LRRFIP2: variants seen among roughly 807,000 people sequenced by gnomAD.
The protein encoded by LRRFIP2 is leucine-rich repeat flightless-interacting protein 2.
In LRRFIP2, 109 loss-of-function variants were observed where a neutral mutation model predicts 125.9. That is an observed-to-expected ratio of 0.87 (90% CI 0.74 to 1.01). The LOEUF is 1.01. LRRFIP2 is among the 50% of genes least tolerant of loss of function. The probability of loss-of-function intolerance (pLI) is 0.00; values close to 1 mark genes in which losing one functional copy is unlikely to be tolerated. For synonymous variants in LRRFIP2, 291 were observed against 293.1 expected, an observed-to-expected ratio of 0.99 and a Z score of 0.07; for missense variants, 850 against 862.3, an observed-to-expected ratio of 0.99 and a Z score of 0.18.
Position 37,103,014 on chromosome 3 carries a change from C to CT in LRRFIP2, c.784-2dup, listed in dbSNP as rs2149336717. 1.3e-6 allele frequency: 2 copies of CT among 1,552,460 alleles called. No homozygotes were observed. The highest frequency in any genetic ancestry group is 1.7e-6 in the Non-Finnish European group (2 of 1,146,938). ...GACTGAAATAATCAGCGGCAGATACCTTTCGGTCAGAAAAAAAACAAGATG... is the reference window on the plus strand; with the variant it reads ...GACTGAAATAATCAGCGGCAGATACCTTTTCGGTCAGAAAAAAAACAAGATG... On this transcript the variant is annotated splice_acceptor_variant, in intron 14 of 27. Transcript: ENST00000336686. LOFTEE classifies it high-confidence loss of function.
chr3:37,156,223 T>C (rs2150143595), intron 1 of LRRFIP2, among the ~76,000 whole-genome samples: 1 of 152,248 alleles, frequency 6.6e-6, no homozygotes, highest in South Asian at 2.1e-4. Context: ...CTCACACCTG[T>C]AATCCCAGCA....
At chr3:37,084,379 T>C (rs2092883027) in intron 18 of LRRFIP2, among the ~76,000 whole-genome samples, 1 of 152,058 alleles carries the variant, frequency 6.6e-6, no homozygotes, top group Non-Finnish European at 1.5e-5. Context: ...AAAAAAGAGC[T>C]TGGCCAGGCA....
At chr3:37,081,257 T>C (rs534276491) in intron 19 of LRRFIP2, among the ~76,000 whole-genome samples, 1 of 152,030 alleles carries the variant, frequency 6.6e-6, no homozygotes, top group Non-Finnish European at 1.5e-5. Flanking sequence ...ACAATAAAAT[T>C]AAATTAAATT....
In LRRFIP2 at chr3:37,053,870, G is replaced by A; in HGVS notation, c.2147C>T (p.Ala716Val). 6.2e-7 allele frequency: 1 copy of A among 1,613,582 alleles called. No homozygotes were observed. The highest frequency in any genetic ancestry group is 8.5e-7 in the Non-Finnish European group (1 of 1,179,490). The change falls in exon 28 of 28, where the codon GCA becomes GTA. Residue 716 changes from alanine (A) to valine (V), a missense_variant. Coordinates refer to ENST00000336686, the MANE Select transcript of LRRFIP2 (RefSeq NM_006309.4). Reference protein sequence around the residue: ...RLEKMKANRTALLAQQ With the variant: ...RLEKMKANRTVLLAQQ ...GTTTTCCTACTGCTGGGCCAGAAGTGCTGTCCTATTGGCCTTCATCTTCTC... is the reference window on the plus strand; with the variant it reads ...GTTTTCCTACTGCTGGGCCAGAAGTACTGTCCTATTGGCCTTCATCTTCTC...
intron 15 of LRRFIP2, among the ~76,000 whole-genome samples, chr3:37,098,987 G>A (rs375316841): frequency 1.3e-5 from 2 of 152,046 alleles, no homozygotes; most frequent in East Asian, 1.9e-4. Context: ...GTTTTTAATA[G>A]ACTGTCCATG....
At chr3:37,082,630 C>A (rs1341920237) in intron 19 of LRRFIP2, among the ~76,000 whole-genome samples, 1 of 152,014 alleles carries the variant, frequency 6.6e-6, no homozygotes, top group African/African-American at 2.4e-5. Context: ...AACATGTATC[C>A]ACCATTATAA....
At chr3:37,155,551 C>T (rs2096162984) in intron 1 of LRRFIP2, among the ~76,000 whole-genome samples, 1 of 152,098 alleles carries the variant, frequency 6.6e-6, no homozygotes, top group South Asian at 2.1e-4. Context: ...CTAAAACTGC[C>T]AAGTTTTGGG....
At chr3:37,154,967 C>T (rs986803784) in intron 1 of LRRFIP2, among the ~76,000 whole-genome samples, 1 of 152,290 alleles carries the variant, frequency 6.6e-6, no homozygotes, top group African/African-American at 2.4e-5. Flanking sequence ...TTACAGTGAA[C>T]GCTAGTCTGC....
intron 6 of LRRFIP2, among the ~76,000 whole-genome samples, chr3:37,116,806 T>G (rs1029121587): frequency 6.6e-6 from 1 of 152,084 alleles, no homozygotes; most frequent in Non-Finnish European, 1.5e-5. Flanking sequence ...TCCATAAGTA[T>G]CAGACTAAGT....
chr3:37,057,621 C>G (rs950595212), intron 25 of LRRFIP2, among the ~76,000 whole-genome samples: 21 of 151,968 alleles, frequency 1.4e-4, no homozygotes, highest in African/African-American at 5.1e-4. Context: ...ACCACCTCAG[C>G]CTCTCCAAAT....
At chr3:37,140,332 C>G (rs915054783) in intron 2 of LRRFIP2, 1 of 152,130 alleles carries the variant, frequency 6.6e-6, no homozygotes, top group African/African-American at 2.4e-5. Context: ...AAGCTGTGCT[C>G]GCTATGGCAG....
intron 1 of LRRFIP2, among the ~76,000 whole-genome samples, chr3:37,158,683 G>C (rs1159470445): frequency 6.6e-6 from 1 of 151,784 alleles, no homozygotes; most frequent in Admixed American, 6.6e-5. Flanking sequence ...ATAAGCCTAG[G>C]TAGCAAAGAA....
At chr3:37,139,488 T>C (rs1387186283) in intron 2 of LRRFIP2, among the ~76,000 whole-genome samples, 1 of 152,228 alleles carries the variant, frequency 6.6e-6, no homozygotes, top group Non-Finnish European at 1.5e-5. Context: ...AATGTTTTCA[T>C]GACAGAAGGC....
chr3:37,167,653 CAAAAAAAA>C (rs533367910), intron 1 of LRRFIP2, among the ~76,000 whole-genome samples: 2 of 74,516 alleles, frequency 2.7e-5, no homozygotes, highest in East Asian at 8.1e-4. Flanking sequence ...CACTCTGTCT[CAAAAAAAA>C]AAAAAAGAAA....
intron 1 of LRRFIP2, among the ~76,000 whole-genome samples, chr3:37,158,498 T>C (rs900113994): frequency 1.1e-4 from 17 of 151,772 alleles, no homozygotes; most frequent in Non-Finnish European, 4.4e-5. Flanking sequence ...TCCCAGTTAC[T>C]TGGGAGGCTG....
intron 11 of LRRFIP2, among the ~76,000 whole-genome samples, chr3:37,109,019 C>A (rs1182292717): frequency 1.3e-5 from 2 of 152,154 alleles, no homozygotes; most frequent in African/African-American, 4.8e-5. Flanking sequence ...ATTTTGCCTA[C>A]TACTACAATA....
At chr3:37,170,645 C>T (rs2096573136) in intron 1 of LRRFIP2, 1 of 152,212 alleles carries the variant, frequency 6.6e-6, no homozygotes, top group Non-Finnish European at 1.5e-5. Flanking sequence ...GGGGCCCTCC[C>T]TATGCCAGTA....
Position 37,117,562 on chromosome 3 carries a change from T to G in LRRFIP2, c.331-2467A>C, listed in dbSNP as rs77404525. Among the ~76,000 whole-genome samples, 1,383 of 152,188 alleles carry G rather than the reference T, an allele frequency of 9.1e-3. 25 individuals carry two copies. The highest frequency in any genetic ancestry group is 0.032 in the African/African-American group (1,320 of 41,522). ...GGGCTCATTTCCAAATTTTTGATGC[T>G]ATAACCATAGAGAAAAAAGAAAATT... On this transcript the variant is annotated intron_variant, in intron 6 of 27. Transcript: ENST00000336686.
intron 1 of LRRFIP2, among the ~76,000 whole-genome samples, chr3:37,169,035 T>C (rs1389067105): frequency 6.6e-6 from 1 of 152,214 alleles, no homozygotes; most frequent in Non-Finnish European, 1.5e-5. Flanking sequence ...TCTACAGTTA[T>C]AGTATTCAGT....
Sources: gnomAD v4.1 joint callset for allele counts (sites outside exome capture counted in the v4.1 genomes callset) on GRCh38, gnomAD v4.1.1 for gene constraint, MANE v1.5 for transcripts, NCBI Gene and HGNC (gene_info 2026-07-23, HGNC 2026-07-21) for gene names.